DUS2: variants seen among roughly 807,000 people sequenced by gnomAD.
DUS2 encodes tRNA-dihydrouridine(20) synthase [NAD(P)+]-like.
In DUS2, 52 loss-of-function variants were observed where a neutral mutation model predicts 71.3. The observed-to-expected ratio is 0.73, with a 90% CI of 0.58 to 0.92. The LOEUF is 0.92. Ranked by LOEUF, DUS2 falls within the 40% of genes least tolerant of loss-of-function variation. The pLI, the probability that DUS2 is intolerant of heterozygous loss-of-function variation, is 0.00. For synonymous variants in DUS2, 204 were observed against 227.8 expected, an observed-to-expected ratio of 0.90 and a Z score of 0.94; for missense variants, 558 against 622.6, an observed-to-expected ratio of 0.90 and a Z score of 1.10.
At chr16:68,041,172 G>A (rs955919575) in intron 3 of DUS2, among the ~76,000 whole-genome samples, 1 of 152,088 alleles carries the variant, frequency 6.6e-6, no homozygotes, top group African/African-American at 2.4e-5. Context: ...GTTGTAGTGA[G>A]CTGAGATTGT....
chr16:68,053,036 C>G (rs547712423), intron 4 of DUS2, among the ~76,000 whole-genome samples: 1 of 151,658 alleles, frequency 6.6e-6, no homozygotes, highest in Non-Finnish European at 1.5e-5. Flanking sequence ...GATCTCGGCT[C>G]GCTGCAACCT....
intron 3 of DUS2, among the ~76,000 whole-genome samples, chr16:68,047,221 A>C (rs1407417677): frequency 2.1e-5 from 3 of 140,240 alleles, no homozygotes; most frequent in Non-Finnish European, 3.1e-5. Flanking sequence ...ACGCCTGACT[A>C]ATTTTTGTAT....
intron 12 of DUS2, 55 bp downstream of exon 12, chr16:68,071,163 G>A: frequency 6.3e-7 from 1 of 1,588,052 alleles, no homozygotes; most frequent in Non-Finnish European, 8.6e-7. Flanking sequence ...CCACACTCCT[G>A]CAGAGAGCAC....
chr16:68,064,408 A>C (rs1299138699), intron 8 of DUS2, among the ~76,000 whole-genome samples: 1 of 152,238 alleles, frequency 6.6e-6, no homozygotes, highest in Non-Finnish European at 1.5e-5. Flanking sequence ...CACACACATG[A>C]AACACACAGA....
chr16:68,044,208 A>G (rs1484909296), intron 3 of DUS2, among the ~76,000 whole-genome samples: 1 of 152,080 alleles, frequency 6.6e-6, no homozygotes, highest in Non-Finnish European at 1.5e-5. Context: ...GTTTTGTGTA[A>G]TCTGGGTTCT....
rs2033557523 is a variant in DUS2 at position 68,037,993 on chromosome 16, C to T, written c.-18-13C>T. The T allele has an allele frequency of 1.3e-6, 2 of 1,564,918 alleles. No individual in the cohort carries two copies. Among genetic ancestry groups the T allele is most frequent in the Admixed American group, 3.6e-5 (2 of 55,154 alleles). ...TTTGAATTTCTGACTCTTGTTTCCT[C>T]TTTTTTTTTCAGGCTGTAACAGAGG... On this transcript the variant is annotated splice_polypyrimidine_tract_variant and intron_variant, in intron 2 of 16. Transcript: ENST00000565263.
At chr16:68,056,304 AT>A in intron 6 of DUS2, 59 bp from the exon 7 acceptor site, 1 of 1,505,760 alleles carries the variant, frequency 6.6e-7, no homozygotes, top group African/African-American at 1.4e-5. Flanking sequence ...CATGCCTTTA[AT>A]TTCACCTTCT....
chr16:68,043,049 C>T (rs1462368149), intron 3 of DUS2, among the ~76,000 whole-genome samples: 1 of 152,082 alleles, frequency 6.6e-6, no homozygotes, highest in African/African-American at 2.4e-5. Context: ...GACAGGATTT[C>T]GCTATGTTGC....
chr16:68,059,781 T>C (rs2033914090), intron 7 of DUS2, among the ~76,000 whole-genome samples: 1 of 152,242 alleles, frequency 6.6e-6, no homozygotes, highest in Admixed American at 6.5e-5. Flanking sequence ...ATCTCACTCT[T>C]AATGGATTCA....
intron 12 of DUS2, among the ~76,000 whole-genome samples, chr16:68,072,774 T>A (rs1006797058): frequency 1.3e-5 from 2 of 152,202 alleles, no homozygotes; most frequent in African/African-American, 4.8e-5. Flanking sequence ...TCTCCTGCCC[T>A]ACCTCTAGCC....
At chr16:68,049,240 T>C (rs1349818063) in intron 3 of DUS2, among the ~76,000 whole-genome samples, 1 of 152,168 alleles carries the variant, frequency 6.6e-6, no homozygotes, top group Non-Finnish European at 1.5e-5. Context: ...ATGATTATTG[T>C]CTTTCTGGCT....
intron 16 of DUS2, 102 bp downstream of exon 16, chr16:68,078,620 T>C (rs972214943): frequency 2.0e-6 from 3 of 1,498,472 alleles, no homozygotes; most frequent in Non-Finnish European, 2.8e-6. Flanking sequence ...GTAGATGGTA[T>C]ATGTGGGCAG....
intron 8 of DUS2, among the ~76,000 whole-genome samples, chr16:68,065,802 CTTT>C (rs77022946): frequency 2.1e-5 from 3 of 141,826 alleles, no homozygotes; most frequent in Non-Finnish European, 3.1e-5. Flanking sequence ...TTTTTTCTTA[CTTT>C]TTTTTTTTTT....
At chr16:68,047,883 C>T (rs541379934) in intron 3 of DUS2, among the ~76,000 whole-genome samples, 6 of 151,642 alleles carry the variant, frequency 4.0e-5, no homozygotes, top group South Asian at 4.2e-4. Context: ...TGGGCTTAAG[C>T]GATTCTCCTG....
At chr16:68,078,689 A>G in intron 16 of DUS2, 60 bp from the exon 17 acceptor site, 5 of 1,545,442 alleles carry the variant, frequency 3.2e-6, no homozygotes, top group South Asian at 1.2e-5. Context: ...AAGGATGTGT[A>G]GAGTCAGGCC....
intron 3 of DUS2, among the ~76,000 whole-genome samples, chr16:68,047,722 A>G (rs1173285798): frequency 1.3e-5 from 2 of 150,662 alleles, no homozygotes; most frequent in Non-Finnish European, 2.9e-5. Context: ...ACCTCAAGTG[A>G]TCTGCCTGAC....
chr16:68,070,162 G>A lies in DUS2; in HGVS notation c.583G>A (p.Val195Ile). 6.2e-7 allele frequency: 1 copy of A among 1,614,128 alleles called. No homozygotes were observed. Among genetic ancestry groups the A allele is most frequent in the African/African-American group, 1.3e-5 (1 of 75,030 alleles). Residue 195 changes from valine (V) to isoleucine (I), a missense_variant, in exon 11 of 17, where the codon GTC becomes ATC. Physicochemically the swap from Val to Ile is conservative, Grantham distance 29. Coordinates refer to ENST00000565263, the MANE Select transcript of DUS2 (RefSeq NM_017803.5). The stretch of plus-strand genomic sequence containing the variant: ...GCGGGAGGAGCGACCTCAGCATCCT[G>A]TCAGCTGTGAAGTCATCAAAGCCAT... ...RKREERPQHP[V>I]SCEVIKAIAD...
At chr16:68,074,818 G>T (rs753828965) in intron 13 of DUS2, among the ~76,000 whole-genome samples, 2 of 152,170 alleles carry the variant, frequency 1.3e-5, no homozygotes, top group Non-Finnish European at 2.9e-5. Context: ...TTCCTAGAAG[G>T]GAAAAACCTT....
intron 16 of DUS2, 29 bp downstream of exon 16, chr16:68,078,547 C>G: frequency 6.2e-7 from 1 of 1,608,440 alleles, no homozygotes; most frequent in Non-Finnish European, 8.5e-7. Context: ...GGAGAGGAGG[C>G]TTGGGGTGGG....
Sources: allele counts gnomAD v4.1 joint callset (sites outside exome capture counted in the v4.1 genomes callset), GRCh38; gene constraint gnomAD v4.1.1; transcripts MANE v1.5; gene names NCBI Gene and HGNC (gene_info 2026-07-23, HGNC 2026-07-21).